Variants in PWWP3A observed in about 807,000 individuals in gnomAD.
PWWP3A encodes the protein PWWP domain-containing DNA repair factor 3A.
A neutral mutation model predicts 79.0 loss-of-function variants in PWWP3A; 53 were observed. The observed-to-expected ratio is 0.67, with a 90% confidence interval of 0.54 to 0.84. The LOEUF is 0.84. Ranked by LOEUF, PWWP3A falls within the 40% of genes least tolerant of loss-of-function variation. The pLI is 0.00. For missense variants in PWWP3A, 973 were observed against 948.0 expected, an observed-to-expected ratio of 1.03 and a Z score of -0.35; for synonymous variants, 443 against 394.4, an observed-to-expected ratio of 1.12 and a Z score of -1.46.
In PWWP3A at chr19:1,354,976, C is replaced by T. The variant is rs1024978260; in HGVS notation, c.-229C>T. 2.3e-5 allele frequency: 3 copies of T among 127,928 alleles called. No homozygotes were observed. The highest frequency in any genetic ancestry group is 6.0e-5 in the African/African-American group (2 of 33,508). The allele number at this position is 127,928 out of a possible 1,614,324, so 7.9% of individuals were successfully genotyped here. ...CGCGAGGCAAGCCCCGCCCCCGGCC[C>T]CGCGGGGAGCGGCGGCGGCGGCGGC... On this transcript the variant is annotated 5_prime_UTR_variant, in exon 1 of 14. Coordinates refer to ENST00000591337, the MANE Select transcript of PWWP3A (RefSeq NM_001369789.1).
chr19:1,375,555 A>AAT (rs1420565116), intron 13 of PWWP3A, among the ~76,000 whole-genome samples: 1 of 85,636 alleles, frequency 1.2e-5, no homozygotes, highest in African/African-American at 5.5e-5. Flanking sequence ...TAAAATATAT[A>AAT]TTATATATAA....
Position 1,360,796 on chromosome 19 carries a change from C to A in PWWP3A, c.875C>A (p.Ser292Ter). 1 of 1,600,330 alleles carries A rather than the reference C, an allele frequency of 6.2e-7. No individual in the cohort carries two copies. The highest frequency in any genetic ancestry group is 8.5e-7 in the Non-Finnish European group (1 of 1,173,996). Residue 292 changes from serine (S) to a stop codon, truncating the protein, a stop_gained, in exon 5 of 14, where the codon TCA (serine) becomes TAA (stop). Coordinates refer to ENST00000591337, the MANE Select transcript of PWWP3A (RefSeq NM_001369789.1). LOFTEE classifies it high-confidence loss of function. The surrounding 1 kb of genome is among the most constrained non-coding windows in gnomAD (Gnocchi z 4.4). ...APPAPEPSACSEPGECPAKKR... is the reference protein window; with the variant it reads ...APPAPEPSAC The stretch of plus-strand genomic sequence containing the variant: ...CCAGCCCCTGAGCCCTCGGCCTGCT[C>A]AGAGCCTGGAGAATGCCCTGCGAAA...
At position 1,369,758 on chromosome 19, in the gene PWWP3A, G is replaced by C; in HGVS notation, c.1549+112G>C. On this transcript the variant is annotated intron_variant, in intron 11 of 13. Transcript: ENST00000591337. The surrounding 1 kb of genome is among the most constrained non-coding windows in gnomAD (Gnocchi z 4.0). ...GGACGTTGGGGTCAAGGCACTGTCC[G>C]CAGCCACACAGCATTGTTCAACCTC... The C allele has an allele frequency of 8.6e-7, 1 of 1,167,488 alleles. No homozygotes were observed. Among genetic ancestry groups the C allele is most frequent in the Non-Finnish European group, 1.3e-6 (1 of 775,414 alleles). The allele number at this position is 1,167,488 out of a possible 1,614,324, so 72.3% of individuals were successfully genotyped here. A position where few individuals can be genotyped will look rare whatever the true frequency, so the allele number is the denominator to read the frequency against.
chr19:1,358,559 C>T, intron 4 of PWWP3A, 95 bp downstream of exon 4: 2 of 1,602,230 alleles, frequency 1.2e-6, no homozygotes. Context: ...AAAAATTCAC[C>T]CTGTTCACCA....
rs371062999 is a variant in PWWP3A at position 1,360,087 on chromosome 19, T to C, written c.215-49T>C. ...TTCTAAAGCGATGCCGTGACCGCAGTGCCTGTGCAGTGAACGTAACCGGCA... is the reference window on the plus strand; with the variant it reads ...TTCTAAAGCGATGCCGTGACCGCAGCGCCTGTGCAGTGAACGTAACCGGCA... On this transcript the variant is annotated intron_variant, in intron 4 of 13. Coordinates refer to ENST00000591337, the MANE Select transcript of PWWP3A (RefSeq NM_001369789.1). This position sits in a 1 kb window ranked among gnomAD's most constrained non-coding sequence, Gnocchi z 4.4. The C allele has an allele frequency of 3.3e-6, 5 of 1,500,942 alleles. No individual in the cohort carries two copies. Among genetic ancestry groups the C allele is most frequent in the Non-Finnish European group, 4.4e-6 (5 of 1,128,262 alleles). 93.0% of individuals were successfully genotyped at this position (1,500,942 alleles called of 1,614,324 possible).
In PWWP3A at chr19:1,369,204, C is replaced by T. The variant is rs2082197125; in HGVS notation, c.1423-61C>T. 1 of 1,556,224 alleles carries T rather than the reference C, an allele frequency of 6.4e-7. No homozygotes were observed. The highest frequency in any genetic ancestry group is 1.7e-5 in the Admixed American group (1 of 59,132). The stretch of plus-strand genomic sequence containing the variant: ...CTGGTCCCTGGGCTCTGCGTGGCTT[C>T]TGAACCCAGGGTGCTTGGCACTGCC... On this transcript the variant is annotated intron_variant, in intron 9 of 13. Transcript: ENST00000591337. This position sits in a 1 kb window ranked among gnomAD's most constrained non-coding sequence, Gnocchi z 4.0.
At chr19:1,364,450 G>GATATTT (rs1457373276) in intron 6 of PWWP3A, 59 bp from the exon 7 acceptor site, 56 of 1,306,256 alleles carry the variant, frequency 4.3e-5, no homozygotes, top group Middle Eastern at 2.6e-4. Flanking sequence ...CCTGGTGCTT[G>GATATTT]ATATGGATTT....
chr19:1,362,378 A>T, intron 6 of PWWP3A, 27 bp downstream of exon 6: 1 of 1,594,420 alleles, frequency 6.3e-7, no homozygotes, highest in Non-Finnish European at 8.6e-7. Context: ...GGGCGCCGGC[A>T]GTCCTAACGG....
chr19:1,364,473 C>T (rs754655264), intron 6 of PWWP3A, 36 bp from the exon 7 acceptor site: 1 of 1,321,802 alleles, frequency 7.6e-7, no homozygotes. Flanking sequence ...CTTGTCTATT[C>T]TTTTTTTTTT....
chr19:1,376,664 G>A lies in PWWP3A; in HGVS notation c.*88G>A, dbSNP rs2082410377. The A allele has an allele frequency of 7.4e-7, 1 of 1,344,420 alleles. No homozygotes were observed. The highest frequency in any genetic ancestry group is 1.1e-6 in the Non-Finnish European group (1 of 948,630). The allele number at this position is 1,344,420 out of a possible 1,614,324, so 83.3% of individuals were successfully genotyped here. ...CGTGTCTGAAGATGGGGGGCTCAGGGGGCACGTTTGCGTTTGGACCTGTCT... is the reference window on the plus strand; with the variant it reads ...CGTGTCTGAAGATGGGGGGCTCAGGAGGCACGTTTGCGTTTGGACCTGTCT... On this transcript the variant is annotated 3_prime_UTR_variant, in exon 14 of 14. Transcript: ENST00000591337.
intron 1 of PWWP3A, 94 bp from the exon 2 acceptor site, chr19:1,356,230 G>C: frequency 2.9e-6 from 2 of 696,646 alleles, no homozygotes; most frequent in Admixed American, 2.1e-5. Context: ...TCTACTTGAG[G>C]CTAAGTCGAG....
intron 1 of PWWP3A, among the ~76,000 whole-genome samples, chr19:1,355,753 C>G (rs1157307933): frequency 1.3e-5 from 2 of 151,914 alleles, no homozygotes; most frequent in Non-Finnish European, 2.9e-5. Context: ...CTCTTCCCTG[C>G]TGCGGGGACG....
At chr19:1,373,278 C>T in intron 13 of PWWP3A, 118 bp downstream of exon 13, 2 of 851,080 alleles carry the variant, frequency 2.3e-6, no homozygotes, top group South Asian at 3.1e-5. Flanking sequence ...CATGAGGTGG[C>T]CCAGGTGCTG....
At position 1,364,513 on chromosome 19, in the gene PWWP3A, A is replaced by G. The variant is rs769183149; in HGVS notation, c.1218A>G (p.Pro406=). The G allele has an allele frequency of 6.3e-7, 1 of 1,597,752 alleles. No individual in the cohort carries two copies. Among genetic ancestry groups the G allele is most frequent in the Non-Finnish European group, 8.5e-7 (1 of 1,175,156 alleles). ...EPPRVLLYHE[P]RSFEVGMLVW... ...TTCTTTTTTCTTTAATTCTAGAACC[A>G]CGTTCGTTTGAAGTAGGAATGCTAG... is the stretch of plus-strand genomic sequence containing the variant. The change falls in exon 7 of 14, where the codon CCA becomes CCG. Residue 406 remains proline, a synonymous_variant. Transcript: ENST00000591337.
intron 13 of PWWP3A, chr19:1,373,981 A>C (rs1439376943): frequency 6.6e-6 from 1 of 152,188 alleles, no homozygotes; most frequent in Non-Finnish European, 1.5e-5. Context: ...CCAAAACAGG[A>C]AAGGCCTTTG....
chr19:1,364,465 T>G, intron 6 of PWWP3A, 44 bp from the exon 7 acceptor site: 1 of 1,462,790 alleles, frequency 6.8e-7, no homozygotes, highest in Non-Finnish European at 9.4e-7. Context: ...GGATTTGACT[T>G]GTCTATTCTT....
chr19:1,371,246 C>T (rs774261089), intron 12 of PWWP3A, 168 bp downstream of exon 12: 65 of 793,244 alleles, frequency 8.2e-5, no homozygotes, highest in Non-Finnish European at 1.2e-4. Flanking sequence ...CTGGGAAATG[C>T]GAGTGCGTGC....
At chr19:1,372,881 C>T (rs1474224336) in intron 12 of PWWP3A, 191 bp from the exon 13 acceptor site, 2 of 581,936 alleles carry the variant, frequency 3.4e-6, no homozygotes, top group Non-Finnish European at 6.1e-6. Flanking sequence ...AAAGATAGTA[C>T]TGATTTAATT....
rs1335429566 is a variant in PWWP3A at position 1,376,504 on chromosome 19, T to G, written c.2076-15T>G. The G allele has an allele frequency of 1.2e-6, 2 of 1,612,448 alleles. No individual in the cohort carries two copies. Among genetic ancestry groups the G allele is most frequent in the African/African-American group, 2.7e-5 (2 of 74,806 alleles). On this transcript the variant is annotated splice_polypyrimidine_tract_variant and intron_variant, in intron 13 of 13. Coordinates refer to ENST00000591337, the MANE Select transcript of PWWP3A (RefSeq NM_001369789.1). ...AATGATTAATTACTAAAATGAAGAC[T>G]CTTGTTTTCTGAAGGGAAAAAGAAA...
Sources: allele counts gnomAD v4.1 joint callset (sites outside exome capture counted in the v4.1 genomes callset), GRCh38; gene constraint gnomAD v4.1.1; non-coding constraint Gnocchi (gnomAD v3.1); transcripts MANE v1.5; gene names NCBI Gene and HGNC (gene_info 2026-07-23, HGNC 2026-07-21).